The following ROBO2 variants were observed in gnomAD, a reference collection of about 807,000 sequenced individuals.
ROBO2 encodes roundabout guidance receptor 2, also known as roundabout homolog 2.
A neutral mutation model predicts 160.8 loss-of-function variants in ROBO2; 53 were observed. The ratio of observed to expected loss-of-function variants is 0.33; its 90% CI spans 0.26 to 0.41. The LOEUF is 0.41. ROBO2 is among the 10% of genes least tolerant of loss of function. The probability of loss-of-function intolerance (pLI) is 1.00; values close to 1 mark genes in which losing one functional copy is unlikely to be tolerated. For missense variants in ROBO2, 1,577 were observed against 1,722.4 expected (o/e 0.92, Z 1.49); for synonymous variants, 664 against 611.7 (o/e 1.09, Z -1.26).
At chr3:77,535,237 T>C (rs1255197557) in intron 6 of ROBO2, among the ~76,000 whole-genome samples, 1 of 151,882 alleles carries the variant, frequency 6.6e-6, no homozygotes, top group Non-Finnish European at 1.5e-5. Context: ...ATTGGCATCT[T>C]CATGCAATCT....
intron 2 of ROBO2, among the ~76,000 whole-genome samples, chr3:76,776,820 A>G (rs924986080): frequency 2.0e-5 from 3 of 150,976 alleles, no homozygotes; most frequent in Non-Finnish European, 4.5e-5. Flanking sequence ...TTAAACTTTC[A>G]TTTTCAATGG....
intron 2 of ROBO2, among the ~76,000 whole-genome samples, chr3:76,293,467 C>T (rs905942129): frequency 6.6e-6 from 1 of 151,994 alleles, no homozygotes; most frequent in African/African-American, 2.4e-5. Context: ...GTGTTACACA[C>T]AAGAGGGAGT....
intron 2 of ROBO2, among the ~76,000 whole-genome samples, chr3:76,158,623 G>A (rs2072502409): frequency 6.6e-6 from 1 of 152,076 alleles, no homozygotes; most frequent in African/African-American, 2.4e-5. Flanking sequence ...GTGGTATGCA[G>A]TGGTTGAGAG....
chr3:76,920,823 C>T (rs528551855), intron 2 of ROBO2, among the ~76,000 whole-genome samples: 2 of 152,286 alleles, frequency 1.3e-5, no homozygotes, highest in East Asian at 3.9e-4. Context: ...AATACTTCAG[C>T]TTTGATTACA....
At chr3:76,175,138 T>TA in intron 2 of ROBO2, among the ~76,000 whole-genome samples, 1 of 152,188 alleles carries the variant, frequency 6.6e-6, no homozygotes, top group Admixed American at 6.5e-5. Context: ...GAATGGGAGT[T>TA]CACTCATGAT....
At chr3:77,460,325 G>A (rs538772986) in intron 2 of ROBO2, among the ~76,000 whole-genome samples, 16 of 152,198 alleles carry the variant, frequency 1.1e-4, no homozygotes, top group South Asian at 4.1e-4. Context: ...CTTGTATGGC[G>A]AAAACCATGA....
intron 2 of ROBO2, among the ~76,000 whole-genome samples, chr3:76,255,698 G>A (rs773083826): frequency 2.0e-5 from 3 of 151,782 alleles, no homozygotes; most frequent in South Asian, 2.1e-4. Context: ...GAGTTCAATC[G>A]AAAATCACAG....
intron 2 of ROBO2, among the ~76,000 whole-genome samples, chr3:76,037,260 CTTTT>C (rs5850229): frequency 7.3e-6 from 1 of 137,170 alleles, no homozygotes. Flanking sequence ...TTTCTTTTTT[CTTTT>C]TTTTTTTTTT....
intron 2 of ROBO2, among the ~76,000 whole-genome samples, chr3:76,629,461 C>G (rs1462425462): frequency 2.6e-5 from 4 of 152,132 alleles, no homozygotes; most frequent in African/African-American, 9.7e-5. Flanking sequence ...AGCTGAAGAA[C>G]TTGGAGTCCA....
intron 2 of ROBO2, among the ~76,000 whole-genome samples, chr3:77,151,120 C>A (rs944671445): frequency 6.6e-6 from 1 of 151,952 alleles, no homozygotes; most frequent in African/African-American, 2.4e-5. Context: ...CTCTTTTGAT[C>A]AAAAGAAAAG....
At chr3:77,590,745 TTGG>T (rs1231397366) in intron 17 of ROBO2, among the ~76,000 whole-genome samples, 2 of 152,200 alleles carry the variant, frequency 1.3e-5, no homozygotes, top group African/African-American at 4.8e-5. Context: ...TCTCTCATAG[TTGG>T]TAAGTTTATA....
intron 2 of ROBO2, among the ~76,000 whole-genome samples, chr3:77,132,037 AC>A (rs2075895778): frequency 6.6e-6 from 1 of 152,190 alleles, no homozygotes; most frequent in East Asian, 1.9e-4. Context: ...ATATGTTTAA[AC>A]TGGATTAATT....
chr3:77,321,975 G>A (rs544160091), intron 2 of ROBO2, among the ~76,000 whole-genome samples: 3 of 152,268 alleles, frequency 2.0e-5, no homozygotes, highest in Admixed American at 6.5e-5. Flanking sequence ...CATGGGAAGT[G>A]GTTCTGAGCA....
At position 76,496,694 on chromosome 3, in the gene ROBO2, C is replaced by T. The variant is rs191493027; in HGVS notation, c.109+559092C>T. 3.9e-5 allele frequency among the ~76,000 whole-genome samples: 6 copies of T among 152,284 alleles called. No homozygotes were observed. In the East Asian group the frequency reaches 7.7e-4, roughly 20 times the overall value. On this transcript the variant is annotated intron_variant, in intron 2 of 26. Transcript: ENST00000487694. ...GTTGGTAAATGGCAATACCACTCAT[C>T]CAACCGCTAAAGTCCAAAACCTTAG...
At chr3:76,627,808 T>C (rs756018252) in intron 2 of ROBO2, among the ~76,000 whole-genome samples, 1 of 152,146 alleles carries the variant, frequency 6.6e-6, no homozygotes, top group African/African-American at 2.4e-5. Flanking sequence ...ATTTCTGCAG[T>C]GGGAGTGTAG....
chr3:76,823,845 T>G (rs1218077370), intron 2 of ROBO2, among the ~76,000 whole-genome samples: 1 of 152,194 alleles, frequency 6.6e-6, no homozygotes, highest in Non-Finnish European at 1.5e-5. Context: ...CTAAGTTGGA[T>G]GGAGGCATAA....
At chr3:77,584,049 A>G (rs1436192808) in intron 16 of ROBO2, among the ~76,000 whole-genome samples, 1 of 152,160 alleles carries the variant, frequency 6.6e-6, no homozygotes, top group Admixed American at 6.5e-5. Context: ...ACCAGATCCT[A>G]CAATCTTCTC....
chr3:75,970,260 G>T (rs2107351517), intron 2 of ROBO2, among the ~76,000 whole-genome samples: 1 of 151,562 alleles, frequency 6.6e-6, no homozygotes, highest in South Asian at 2.1e-4. Flanking sequence ...ATCTTTAATA[G>T]ACATATCCAA....
At chr3:76,209,829 A>G (rs80005204) in intron 2 of ROBO2, among the ~76,000 whole-genome samples, 6,611 of 152,266 alleles carry the variant, frequency 0.043, 393 homozygotes, top group East Asian at 0.22. Flanking sequence ...GCTTGAAAAC[A>G]GATTCAGAAG....
Sources: gnomAD v4.1 joint callset for allele counts (sites outside exome capture counted in the v4.1 genomes callset) on GRCh38, gnomAD v4.1.1 for gene constraint, MANE v1.5 for transcripts, NCBI Gene and HGNC (gene_info 2026-07-23, HGNC 2026-07-21) for gene names.